Variants in NUMA1 observed in about 807,000 individuals in gnomAD.
NUMA1 encodes nuclear mitotic apparatus protein 1.
In NUMA1, 62 loss-of-function variants were observed where a neutral mutation model predicts 237.1. That is an observed-to-expected ratio of 0.26 (90% CI 0.21 to 0.32). The LOEUF (loss-of-function observed/expected upper bound fraction) is 0.32, where lower values mean the gene tolerates loss of function less well. NUMA1 is among the 10% of genes least tolerant of loss of function. The pLI, the probability that NUMA1 is intolerant of heterozygous loss-of-function variation, is 1.00. For synonymous variants in NUMA1, 1,028 were observed against 1,066.1 expected, an observed-to-expected ratio of 0.96 and a Z score of 0.70; for missense variants, 2,533 against 2,666.5, an observed-to-expected ratio of 0.95 and a Z score of 1.10.
chr11:72,050,312 G>A (rs532395714), intron 2 of NUMA1, among the ~76,000 whole-genome samples: 13 of 152,218 alleles, frequency 8.5e-5, no homozygotes, highest in African/African-American at 1.9e-4. Flanking sequence ...ACTGAGACCC[G>A]TCTTTCTGGT....
intron 2 of NUMA1, among the ~76,000 whole-genome samples, chr11:72,057,714 A>C (rs766381699): frequency 2.0e-5 from 3 of 151,460 alleles, no homozygotes; most frequent in Non-Finnish European, 4.4e-5. Flanking sequence ...ACTGTACTCC[A>C]GCCTAAGAAA....
chr11:72,051,626 C>T (rs747020108), intron 2 of NUMA1, among the ~76,000 whole-genome samples: 30 of 152,070 alleles, frequency 2.0e-4, no homozygotes, highest in Admixed American at 8.5e-4. Context: ...TGTGCAGGAC[C>T]ATGCCCAGCT....
At chr11:72,012,468 G>A in intron 15 of NUMA1, 26 bp from the exon 16 acceptor site, 1 of 1,609,428 alleles carries the variant, frequency 6.2e-7, no homozygotes, top group Non-Finnish European at 8.5e-7. Context: ...GAGCAACAGA[G>A]ACAGAGTGAG....
At chr11:72,012,100 GTGTC>G (rs1689202171) in intron 16 of NUMA1, among the ~76,000 whole-genome samples, 1 of 152,192 alleles carries the variant, frequency 6.6e-6, no homozygotes, top group Non-Finnish European at 1.5e-5. Context: ...CCCAAGGATT[GTGTC>G]TGTCATTGGT....
chr11:72,071,653 A>G (rs1462673402), intron 1 of NUMA1, among the ~76,000 whole-genome samples: 2 of 152,240 alleles, frequency 1.3e-5, no homozygotes, highest in Non-Finnish European at 2.9e-5. Context: ...GAGTGTTAAT[A>G]GTACTGTAGT....
chr11:72,018,313 G>A lies in NUMA1; in HGVS notation c.861-13C>T. ...CCGCATGGTAAGGCTGCGAGGGAGG[G>A]AAGCAGTGAGAAGAGAGTATGGGTT... On this transcript the variant is annotated splice_polypyrimidine_tract_variant and intron_variant, in intron 11 of 26. Coordinates refer to ENST00000393695, the MANE Select transcript of NUMA1 (RefSeq NM_006185.4). 6.2e-7 allele frequency: 1 copy of A among 1,611,352 alleles called. No homozygotes were observed. Among genetic ancestry groups the A allele is most frequent in the Non-Finnish European group, 8.5e-7 (1 of 1,177,430 alleles).
Position 72,019,139 on chromosome 11 carries a change from C to T in NUMA1, c.585-159G>A, listed in dbSNP as rs752889772. On this transcript the variant is annotated intron_variant, in intron 9 of 26. Coordinates refer to ENST00000393695, the MANE Select transcript of NUMA1 (RefSeq NM_006185.4). Reference sequence around the variant, plus strand: ...TGCAGTGCTACCTCAAGCCTCATGACATGATCTTGGGAAAACTTTTCTTCT... The same window carrying T: ...TGCAGTGCTACCTCAAGCCTCATGATATGATCTTGGGAAAACTTTTCTTCT... The T allele has an allele frequency of 2.6e-5, 19 of 739,208 alleles. No homozygotes were observed. In the Admixed American group the frequency reaches 2.7e-4, roughly 11 times the overall value. 45.8% of individuals were successfully genotyped at this position (739,208 alleles called of 1,614,324 possible).
At chr11:72,077,564 C>T (rs1201813970) in intron 1 of NUMA1, among the ~76,000 whole-genome samples, 2 of 152,102 alleles carry the variant, frequency 1.3e-5, no homozygotes, top group Admixed American at 1.3e-4. Context: ...CCTATAATCC[C>T]AGCACTCTGA....
chr11:72,075,187 G>C (rs1285897985), intron 1 of NUMA1, among the ~76,000 whole-genome samples: 7 of 152,228 alleles, frequency 4.6e-5, no homozygotes, highest in African/African-American at 1.7e-4. Context: ...AGCTATTAAG[G>C]TATTGTCTCT....
intron 20 of NUMA1, chr11:72,007,781 C>A (rs550729323): frequency 5.3e-6 from 2 of 379,342 alleles, no homozygotes; most frequent in Non-Finnish European, 9.9e-6. Flanking sequence ...GAACGCCCCC[C>A]ACTCAGGCCC....
intron 2 of NUMA1, chr11:72,049,583 A>ATATATATATATATATATC (rs71052844): frequency 4.4e-5 from 1 of 22,556 alleles, no homozygotes; most frequent in Non-Finnish European, 1.7e-4. Context: ...ATATATATAT[A>ATATATATATATATATATC]GTGTGTGTGT....
At chr11:72,018,064 C>T (rs1419059504) in intron 12 of NUMA1, 119 bp downstream of exon 12, 1 of 962,898 alleles carries the variant, frequency 1.0e-6, no homozygotes, top group East Asian at 2.4e-5. Context: ...ATGCAGGTCT[C>T]TGGAGAGACT....
chr11:72,050,043 T>C (rs980171774), intron 2 of NUMA1, among the ~76,000 whole-genome samples: 5 of 152,080 alleles, frequency 3.3e-5, no homozygotes, highest in African/African-American at 4.8e-5. Context: ...GCGAGGCACA[T>C]GTGGGTGCTT....
chr11:72,014,486 ACCT>A lies in NUMA1; in HGVS notation c.3014_3016del (p.Glu1005del), dbSNP rs746964541. On this transcript the variant is annotated inframe_deletion, in exon 15 of 27. Coordinates refer to ENST00000393695, the MANE Select transcript of NUMA1 (RefSeq NM_006185.4). This position sits in a 1 kb window ranked among gnomAD's most constrained non-coding sequence, Gnocchi z 4.6. ...GCCCCGCTCCTGGGTCAGCCGCGCC[ACCT>A]CCCTTTCCTGCTGCCCACGCTCCTC... The A allele has an allele frequency of 8.7e-6, 14 of 1,601,772 alleles. No individual in the cohort carries two copies. Among genetic ancestry groups the A allele is most frequent in the Non-Finnish European group, 1.1e-5 (13 of 1,179,856 alleles).
chr11:72,039,538 T>A (rs1941424841), intron 2 of NUMA1, among the ~76,000 whole-genome samples: 1 of 151,990 alleles, frequency 6.6e-6, no homozygotes, highest in African/African-American at 2.4e-5. Context: ...GAACCCTCAT[T>A]CTCTTAGTGC....
At chr11:72,046,055 T>C (rs796507893) in intron 2 of NUMA1, among the ~76,000 whole-genome samples, 28 of 152,304 alleles carry the variant, frequency 1.8e-4, no homozygotes, top group African/African-American at 6.3e-4. Flanking sequence ...GCCAAGTTTC[T>C]GGGCCAGCTC....
intron 7 of NUMA1, 190 bp downstream of exon 7, chr11:72,022,149 G>T: frequency 2.0e-6 from 1 of 505,720 alleles, no homozygotes; most frequent in Non-Finnish European, 3.5e-6. Context: ...CTCTGGGAAT[G>T]AGTTTATCGG....
intron 2 of NUMA1, among the ~76,000 whole-genome samples, chr11:72,036,957 G>C (rs1285111980): frequency 6.6e-6 from 1 of 152,190 alleles, no homozygotes; most frequent in East Asian, 1.9e-4. Context: ...GGAGGAACAA[G>C]AGTGGTAAGA....
At chr11:72,044,370 G>A (rs562847389) in intron 2 of NUMA1, among the ~76,000 whole-genome samples, 2 of 152,080 alleles carry the variant, frequency 1.3e-5, no homozygotes, top group South Asian at 2.1e-4. Context: ...TTCCTACTTG[G>A]CATTTTGGTC....
Sources: allele counts gnomAD v4.1 joint callset (sites outside exome capture counted in the v4.1 genomes callset), GRCh38; gene constraint gnomAD v4.1.1; non-coding constraint Gnocchi (gnomAD v3.1); transcripts MANE v1.5; gene names NCBI Gene and HGNC (gene_info 2026-07-23, HGNC 2026-07-21).